IL1RAP: variants seen among roughly 807,000 people sequenced by gnomAD.
The protein encoded by IL1RAP is interleukin 1 receptor accessory protein.
Under a neutral mutation model 60.7 loss-of-function variants are expected in IL1RAP, and 35 were observed. That is an observed-to-expected ratio of 0.58 (90% CI 0.44 to 0.76). The LOEUF (loss-of-function observed/expected upper bound fraction) is 0.76. Ranked by LOEUF, IL1RAP falls within the 30% of genes least tolerant of loss-of-function variation. IL1RAP has a pLI of 0.00. For synonymous variants in IL1RAP, 268 were observed against 250.9 expected, an observed-to-expected ratio of 1.07 and a Z score of -0.64; for missense variants, 572 against 693.9, an observed-to-expected ratio of 0.82 and a Z score of 1.97.
At chr3:190,529,304 C>T (rs1475002334) in intron 1 of IL1RAP, among the ~76,000 whole-genome samples, 1 of 151,398 alleles carries the variant, frequency 6.6e-6, no homozygotes, top group Non-Finnish European at 1.5e-5. Flanking sequence ...TTGGGAGGGC[C>T]GAGGCAGGTG....
chr3:190,554,728 A>AGTGTGTGTGTGTGT (rs68156423), intron 1 of IL1RAP: 1 of 144,420 alleles, frequency 6.9e-6, no homozygotes, highest in African/African-American at 2.6e-5. Context: ...CTTGTTGTTT[A>AGTGTGTGTGTGTGT]GTGTGTGTGT....
At chr3:190,524,961 T>C (rs1024374523) in intron 1 of IL1RAP, among the ~76,000 whole-genome samples, 4 of 151,942 alleles carry the variant, frequency 2.6e-5, no homozygotes, top group African/African-American at 9.7e-5. Context: ...TATATTTAAA[T>C]ATTGAAGTAA....
At chr3:190,516,434 C>G (rs1284710280) in intron 1 of IL1RAP, 2 of 152,170 alleles carry the variant, frequency 1.3e-5, no homozygotes, top group Non-Finnish European at 2.9e-5. Context: ...TCTGATTCTT[C>G]AAAGAAAGGT....
chr3:190,617,866 C>T (rs1048065153), intron 5 of IL1RAP, among the ~76,000 whole-genome samples: 2 of 152,148 alleles, frequency 1.3e-5, no homozygotes, highest in African/African-American at 4.8e-5. Flanking sequence ...CCCTGAATTA[C>T]CCTCACACAC....
rs898981882 is a variant in IL1RAP at position 190,649,138 on chromosome 3, G to A, written c.*433G>A. 40 of 987,208 alleles carry A rather than the reference G, an allele frequency of 4.1e-5. No homozygotes were observed. The highest frequency in any genetic ancestry group is 1.4e-4 in the South Asian group (3 of 21,430). The allele number at this position is 987,208 out of a possible 1,614,324, so 61.2% of individuals were successfully genotyped here. On this transcript the variant is annotated 3_prime_UTR_variant, in exon 12 of 12. Coordinates refer to ENST00000447382, the MANE Select transcript of IL1RAP (RefSeq NM_002182.4). The stretch of plus-strand genomic sequence containing the variant: ...CTTTTTATCTTATTTTTACTCGTCC[G>A]TTGAAAAGATAATCAAGGCCTACAT...
At chr3:190,618,089 C>T (rs900528632) in intron 5 of IL1RAP, among the ~76,000 whole-genome samples, 2 of 152,184 alleles carry the variant, frequency 1.3e-5, no homozygotes, top group African/African-American at 4.8e-5. Flanking sequence ...AGCCACATCA[C>T]GCTTTTCACT....
At chr3:190,571,955 C>T (rs1191159095) in intron 3 of IL1RAP, among the ~76,000 whole-genome samples, 1 of 152,222 alleles carries the variant, frequency 6.6e-6, no homozygotes, top group Non-Finnish European at 1.5e-5. Context: ...TTGGACACAT[C>T]TGCTTTAAGG....
At chr3:190,655,957 T>A, downstream of IL1RAP, 1 of 1,537,342 alleles carries the variant, frequency 6.5e-7, no homozygotes, top group Non-Finnish European at 8.7e-7. Context: ...GAGCCCTGAC[T>A]ATGTGACAGA....
intron 3 of IL1RAP, among the ~76,000 whole-genome samples, chr3:190,584,482 T>G (rs767749229): frequency 2.0e-5 from 3 of 152,244 alleles, no homozygotes; most frequent in Non-Finnish European, 4.4e-5. Flanking sequence ...TATTCCCGTC[T>G]TCAATGAATG....
At chr3:190,626,858 C>T (rs919412026) in intron 7 of IL1RAP, among the ~76,000 whole-genome samples, 40 of 151,582 alleles carry the variant, frequency 2.6e-4, no homozygotes, top group African/African-American at 5.3e-4. Flanking sequence ...TTAGTAGAGA[C>T]GGGGTTTCAC....
intron 3 of IL1RAP, among the ~76,000 whole-genome samples, chr3:190,576,913 A>ACCATCCTGGCCAACAT (rs1560183267): frequency 2.0e-5 from 3 of 152,024 alleles, no homozygotes; most frequent in African/African-American, 7.3e-5. Context: ...GGAGATCGAG[A>ACCATCCTGGCCAACAT]GCACGGTGAA....
intron 9 of IL1RAP, among the ~76,000 whole-genome samples, chr3:190,635,908 G>A (rs1733182913): frequency 6.6e-6 from 1 of 152,192 alleles, no homozygotes; most frequent in South Asian, 2.1e-4. Flanking sequence ...AGTGCTGGCT[G>A]TGTATATGAA....
At chr3:190,570,704 T>G (rs1377707062) in intron 3 of IL1RAP, among the ~76,000 whole-genome samples, 1 of 152,122 alleles carries the variant, frequency 6.6e-6, no homozygotes, top group Non-Finnish European at 1.5e-5. Context: ...TAGCTGGGAT[T>G]ACAGGCATTT....
intron 11 of IL1RAP, among the ~76,000 whole-genome samples, chr3:190,646,191 T>C (rs991241518): frequency 1.3e-5 from 2 of 152,044 alleles, no homozygotes; most frequent in African/African-American, 4.8e-5. Context: ...GGTCTAGAAC[T>C]GTTTTACAAG....
chr3:190,567,738 G>A (rs1398879290), intron 3 of IL1RAP, among the ~76,000 whole-genome samples: 2 of 152,140 alleles, frequency 1.3e-5, no homozygotes, highest in South Asian at 2.1e-4. Flanking sequence ...ATCCTTACAC[G>A]CTTATCCTGC....
In IL1RAP at chr3:190,648,865, C is replaced by G. The variant is rs552696531; in HGVS notation, c.*160C>G. On this transcript the variant is annotated 3_prime_UTR_variant, in exon 12 of 12. Coordinates refer to ENST00000447382, the MANE Select transcript of IL1RAP (RefSeq NM_002182.4). ...GACTGTGTGGCTGACTATTCTGCTT[C>G]CTCAGGCAACACTAAAGTTTAGAAA... The G allele has an allele frequency of 1.4e-6, 2 of 1,416,754 alleles. No individual in the cohort carries two copies. Among genetic ancestry groups the G allele is most frequent in the South Asian group, 3.3e-5 (2 of 61,208 alleles). The allele number at this position is 1,416,754 out of a possible 1,614,324, so 87.8% of individuals were successfully genotyped here. A position where few individuals can be genotyped will look rare whatever the true frequency, so the allele number is the denominator to read the frequency against.
rs917318725 is a variant in IL1RAP, at chr3:190,518,007, G to A, written c.-89+3788G>A. ...AAGAAAAGAAAAAAGAAACACCAAA[G>A]AATAGGAAGGTTACAGAACATTTGG... is the stretch of plus-strand genomic sequence containing the variant. On this transcript the variant is annotated intron_variant, in intron 1 of 11. Coordinates refer to ENST00000447382, the MANE Select transcript of IL1RAP (RefSeq NM_002182.4). The A allele has an allele frequency of 3.3e-5, 5 of 151,484 alleles. No homozygotes were observed. In the East Asian group the frequency reaches 9.7e-4, roughly 29 times the overall value. 9.4% of individuals were successfully genotyped at this position (151,484 alleles called of 1,614,324 possible). A position where few individuals can be genotyped will look rare whatever the true frequency, so the allele number is the denominator to read the frequency against.
intron 1 of IL1RAP, among the ~76,000 whole-genome samples, chr3:190,528,505 G>A (rs1722700415): frequency 6.6e-6 from 1 of 152,162 alleles, no homozygotes; most frequent in Non-Finnish European, 1.5e-5. Context: ...TCAGTTGCCT[G>A]CGTTAATAAA....
intron 1 of IL1RAP, among the ~76,000 whole-genome samples, chr3:190,549,263 C>T (rs182533084): frequency 8.3e-4 from 126 of 152,242 alleles, no homozygotes; most frequent in African/African-American, 2.8e-3. Context: ...TCTCCCAGTG[C>T]GCAGGCTGGT....
Sources: gnomAD v4.1 joint callset for allele counts (sites outside exome capture counted in the v4.1 genomes callset) on GRCh38, gnomAD v4.1.1 for gene constraint, MANE v1.5 for transcripts, NCBI Gene and HGNC (gene_info 2026-07-23, HGNC 2026-07-21) for gene names.